Variants in HPSE2 observed in about 807,000 individuals in gnomAD.
HPSE2 encodes the protein heparanase 2 (inactive).
Under a neutral mutation model 60.5 loss-of-function variants are expected in HPSE2, and 38 were observed. The observed-to-expected ratio is 0.63, with a 90% CI of 0.48 to 0.82. The LOEUF is 0.82. Among genes scored for constraint, HPSE2 ranks in the 40% least tolerant of loss-of-function variants. HPSE2 has a pLI of 0.00. For missense variants in HPSE2, 713 were observed against 740.4 expected (o/e 0.96, Z 0.43); for synonymous variants, 295 against 293.2 (o/e 1.01, Z -0.06).
intron 5 of HPSE2, among the ~76,000 whole-genome samples, chr10:98,708,298 T>C (rs371795098): frequency 2.6e-5 from 4 of 151,790 alleles, no homozygotes; most frequent in African/African-American, 9.7e-5. Flanking sequence ...CTACTAAAAA[T>C]ACAAAAAATT....
intron 9 of HPSE2, among the ~76,000 whole-genome samples, chr10:98,556,820 T>C (rs148495471): frequency 2.6e-5 from 4 of 152,154 alleles, no homozygotes; most frequent in African/African-American, 9.7e-5. Context: ...CTAAAATTTA[T>C]ACGGCAATGC....
At chr10:99,152,155 C>T (rs1262468465) in intron 2 of HPSE2, among the ~76,000 whole-genome samples, 1 of 151,476 alleles carries the variant, frequency 6.6e-6, no homozygotes, top group Non-Finnish European at 1.5e-5. Flanking sequence ...ACTAAAAATA[C>T]AAAAAATTAG....
intron 3 of HPSE2, among the ~76,000 whole-genome samples, chr10:99,106,249 GTCTC>G (rs3044552): frequency 0.47 from 71,557 of 151,356 alleles, 19,179 homozygotes; most frequent in Non-Finnish European, 0.61. Context: ...ATCATAGGCT[GTCTC>G]TCTATTTTAA....
the HPSE2 span, among the ~76,000 whole-genome samples, chr10:99,299,038 C>T: frequency 6.6e-6 from 1 of 152,154 alleles, no homozygotes; most frequent in Non-Finnish European, 1.5e-5. Context: ...ATGTCTCTGG[C>T]TCCTGATACT....
chr10:99,087,349 C>T (rs1251181481), intron 3 of HPSE2, among the ~76,000 whole-genome samples: 8 of 152,142 alleles, frequency 5.3e-5, no homozygotes, highest in Non-Finnish European at 1.2e-4. Flanking sequence ...TACTTTCTGG[C>T]GTCCCACACA....
chr10:99,203,580 G>A (rs1328401531), intron 2 of HPSE2, among the ~76,000 whole-genome samples: 1 of 151,812 alleles, frequency 6.6e-6, no homozygotes, highest in African/African-American at 2.4e-5. Flanking sequence ...CAGGATCCAG[G>A]CCCATCCCAA....
At chr10:99,237,906 A>C (rs1849900723), upstream of HPSE2, among the ~76,000 whole-genome samples, 1 of 152,252 alleles carries the variant, frequency 6.6e-6, no homozygotes, top group East Asian at 1.9e-4. Flanking sequence ...AAATTCTGTG[A>C]AGTAAATTAA....
intron 4 of HPSE2, among the ~76,000 whole-genome samples, chr10:98,722,292 C>A (rs533310411): frequency 4.7e-4 from 71 of 150,712 alleles, no homozygotes; most frequent in African/African-American, 1.6e-3. Context: ...GATACCCAGA[C>A]ACAGAGAGAA....
intron 9 of HPSE2, among the ~76,000 whole-genome samples, chr10:98,516,682 G>T (rs896846300): frequency 6.6e-6 from 1 of 152,132 alleles, no homozygotes; most frequent in Non-Finnish European, 1.5e-5. Flanking sequence ...AAGGCAAGAG[G>T]TAAAAGCGCT....
intron 9 of HPSE2, among the ~76,000 whole-genome samples, chr10:98,606,494 G>A (rs1945589908): frequency 6.6e-6 from 1 of 152,208 alleles, no homozygotes; most frequent in Non-Finnish European, 1.5e-5. Flanking sequence ...GAGAACCACT[G>A]CTCTAACAAA....
At chr10:98,576,572 AG>A (rs1414887044) in intron 9 of HPSE2, among the ~76,000 whole-genome samples, 2 of 152,218 alleles carry the variant, frequency 1.3e-5, no homozygotes, top group Admixed American at 1.3e-4. Flanking sequence ...AGGAGAGAAG[AG>A]GAAGCTCTGC....
chr10:98,724,014 ATG>A (rs1303241365), intron 4 of HPSE2, among the ~76,000 whole-genome samples: 1 of 151,952 alleles, frequency 6.6e-6, no homozygotes, highest in Non-Finnish European at 1.5e-5. Context: ...TAGCTTTTGA[ATG>A]TGTTTGCTCT....
intron 2 of HPSE2, among the ~76,000 whole-genome samples, chr10:99,206,788 G>A (rs1413370643): frequency 2.0e-5 from 3 of 151,704 alleles, no homozygotes; most frequent in East Asian, 1.9e-4. Context: ...GCAATAGAGA[G>A]CCTCAACAGC....
At chr10:98,686,718 C>A (rs959706972) in intron 6 of HPSE2, among the ~76,000 whole-genome samples, 2 of 152,094 alleles carry the variant, frequency 1.3e-5, no homozygotes, top group African/African-American at 4.8e-5. Flanking sequence ...TATTTATTTC[C>A]AAATATTTAG....
At chr10:98,768,020 A>T (rs1266130888) in intron 3 of HPSE2, among the ~76,000 whole-genome samples, 2 of 151,454 alleles carry the variant, frequency 1.3e-5, no homozygotes, top group Non-Finnish European at 2.9e-5. Flanking sequence ...AATAAAACAA[A>T]GGGAAATGTA....
At chr10:98,911,479 G>A (rs190068411) in intron 3 of HPSE2, among the ~76,000 whole-genome samples, 74 of 152,288 alleles carry the variant, frequency 4.9e-4, no homozygotes, top group Non-Finnish European at 6.5e-4. Context: ...GGAGCTCACA[G>A]ACCAAAGAGG....
chr10:98,677,887 C>T (rs1425829394), intron 6 of HPSE2, among the ~76,000 whole-genome samples: 2 of 152,084 alleles, frequency 1.3e-5, no homozygotes, highest in Non-Finnish European at 2.9e-5. Context: ...CATGAATTTC[C>T]AATAGATGCT....
intron 3 of HPSE2, among the ~76,000 whole-genome samples, chr10:98,759,795 TGAATTTTA>T (rs1949964720): frequency 6.6e-6 from 1 of 152,140 alleles, no homozygotes; most frequent in South Asian, 2.1e-4. Flanking sequence ...TGGTTCCATG[TGAATTTTA>T]GAATTGTTTT....
At chr10:98,717,778 C>A (rs983087228) in intron 5 of HPSE2, among the ~76,000 whole-genome samples, 5 of 151,954 alleles carry the variant, frequency 3.3e-5, no homozygotes, top group African/African-American at 1.2e-4. Context: ...GCAAGAATTA[C>A]CAAAATGTGA....
Sources: gnomAD v4.1 joint callset for allele counts (sites outside exome capture counted in the v4.1 genomes callset) on GRCh38, gnomAD v4.1.1 for gene constraint, MANE v1.5 for transcripts, NCBI Gene and HGNC (gene_info 2026-07-23, HGNC 2026-07-21) for gene names.